PMM2: variants seen among roughly 807,000 people sequenced by gnomAD.
PMM2 encodes phosphomannomutase 2.
A neutral mutation model predicts 33.2 loss-of-function variants in PMM2; 35 were observed. The ratio of observed to expected loss-of-function variants is 1.06; its 90% CI spans 0.81 to 1.40. The LOEUF (loss-of-function observed/expected upper bound fraction) is 1.40, where lower values mean the gene tolerates loss of function less well. Among genes scored for constraint, PMM2 ranks in the 40% most tolerant of loss-of-function variants. The pLI, the probability that PMM2 is intolerant of heterozygous loss-of-function variation, is 0.00. For missense variants in PMM2, 386 were observed against 306.0 expected (o/e 1.26, Z -1.95); for synonymous variants, 153 against 114.7 (o/e 1.33, Z -2.13).
chr16:8,800,971 C>G (rs2060612883), intron 1 of PMM2, among the ~76,000 whole-genome samples: 1 of 152,218 alleles, frequency 6.6e-6, no homozygotes, highest in African/African-American at 2.4e-5. Flanking sequence ...GCATGAGCCT[C>G]CATGTCTGGC....
chr16:8,798,555 A>T (rs2060592811), intron 1 of PMM2, among the ~76,000 whole-genome samples: 1 of 152,164 alleles, frequency 6.6e-6, no homozygotes, highest in South Asian at 2.1e-4. Context: ...AGTAAATAGT[A>T]GCCACCTCCA....
chr16:8,836,427 C>G (rs949990031), intron 7 of PMM2, among the ~76,000 whole-genome samples: 2 of 151,926 alleles, frequency 1.3e-5, no homozygotes, highest in Non-Finnish European at 2.9e-5. Flanking sequence ...GGAGGAATCC[C>G]GGGCTGTGGG....
chr16:8,841,334 T>C (rs893539283), intron 7 of PMM2, among the ~76,000 whole-genome samples: 1 of 151,288 alleles, frequency 6.6e-6, no homozygotes, highest in African/African-American at 2.4e-5. Context: ...TGCGGTGGCC[T>C]TCTCAGACCC....
chr16:8,818,008 A>G (rs1310264078), intron 7 of PMM2, among the ~76,000 whole-genome samples: 4 of 150,188 alleles, frequency 2.7e-5, no homozygotes, highest in Non-Finnish European at 1.5e-5. Context: ...GGTTCACACC[A>G]TTCTCCTGCC....
intron 6 of PMM2, among the ~76,000 whole-genome samples, chr16:8,812,050 A>G (rs1380913061): frequency 6.6e-6 from 1 of 152,214 alleles, no homozygotes; most frequent in African/African-American, 2.4e-5. Flanking sequence ...GAAGAGAAGC[A>G]CTATAGTGAA....
intron 3 of PMM2, among the ~76,000 whole-genome samples, chr16:8,805,569 A>G (rs2060642764): frequency 6.6e-6 from 1 of 151,810 alleles, no homozygotes; most frequent in Admixed American, 6.6e-5. Context: ...ACTAGAGCAG[A>G]CTGCTTCACT....
At chr16:8,799,621 C>T (rs958942683) in intron 1 of PMM2, among the ~76,000 whole-genome samples, 1 of 151,844 alleles carries the variant, frequency 6.6e-6, no homozygotes, top group Non-Finnish European at 1.5e-5. Flanking sequence ...AATCTCAGTT[C>T]ACTGCAACCT....
chr16:8,804,636 G>A, intron 2 of PMM2, 131 bp from the exon 3 acceptor site: 2 of 713,152 alleles, frequency 2.8e-6, no homozygotes, highest in Non-Finnish European at 2.5e-6. Context: ...CTCTTAGTCT[G>A]TAAGATGAGA....
rs1408399308 is a variant in PMM2, at chr16:8,835,851, A to G, written c.640-11873A>G. 5.3e-5 allele frequency among the ~76,000 whole-genome samples: 8 copies of G among 151,956 alleles called. No homozygotes were observed. The East Asian group carries it at 7.7e-4, about 15-fold the overall frequency. ...TGGTTGCCAAGGAGGGAGTAGAGGT[A>G]TCTTATACTTGTGGGTTAAGGTTGG... On this transcript the variant is annotated intron_variant, in intron 7 of 7. Coordinates refer to ENST00000268261, the MANE Select transcript of PMM2 (RefSeq NM_000303.3).
At chr16:8,832,788 C>T in intron 7 of PMM2, 5 of 985,376 alleles carry the variant, frequency 5.1e-6, no homozygotes, top group Non-Finnish European at 6.0e-6. Context: ...GTGAGGCCCG[C>T]TGTGGCCCGG....
intron 7 of PMM2, among the ~76,000 whole-genome samples, chr16:8,826,644 C>A (rs568950366): frequency 6.6e-6 from 1 of 152,104 alleles, no homozygotes; most frequent in Non-Finnish European, 1.5e-5. Flanking sequence ...AACTAAAATG[C>A]ATTAGAGTTG....
intron 7 of PMM2, among the ~76,000 whole-genome samples, chr16:8,836,078 A>C (rs1211487770): frequency 9.2e-5 from 14 of 151,484 alleles, no homozygotes; most frequent in East Asian, 3.9e-4. Context: ...GGGGAGTTTT[A>C]AGAGGTTTAG....
intron 2 of PMM2, chr16:8,802,270 C>A: frequency 2.2e-6 from 1 of 454,126 alleles, no homozygotes; most frequent in Non-Finnish European, 4.4e-6. Context: ...GCCCCCCTCA[C>A]CTCCCCATCA....
At chr16:8,805,534 TTAA>T in intron 3 of PMM2, among the ~76,000 whole-genome samples, 1 of 152,272 alleles carries the variant, frequency 6.6e-6, no homozygotes, top group South Asian at 2.1e-4. Context: ...TTTAAATCTA[TTAA>T]TAACATTTCT....
chr16:8,837,325 C>T (rs750882856), intron 7 of PMM2, among the ~76,000 whole-genome samples: 1 of 151,996 alleles, frequency 6.6e-6, no homozygotes, highest in Non-Finnish European at 1.5e-5. Context: ...CTATTTGGAA[C>T]TACTGTCGAG....
chr16:8,834,855 C>G (rs2060833245), intron 7 of PMM2, among the ~76,000 whole-genome samples: 1 of 152,162 alleles, frequency 6.6e-6, no homozygotes, highest in Admixed American at 6.5e-5. Context: ...TCAGGTGGAT[C>G]AGAGAGATAC....
At chr16:8,828,069 A>G (rs1401766887) in intron 7 of PMM2, among the ~76,000 whole-genome samples, 1 of 39,232 alleles carries the variant, frequency 2.5e-5, no homozygotes, top group Non-Finnish European at 5.4e-5. Flanking sequence ...TAAATTTCTT[A>G]TTACCAGACT....
At position 8,820,976 on chromosome 16, in the gene PMM2, C is replaced by T. The variant is rs150861915; in HGVS notation, c.639+7870C>T. Among the ~76,000 whole-genome samples, 28 of 141,848 alleles carry T rather than the reference C, an allele frequency of 2.0e-4. No individual in the cohort carries two copies. In the East Asian group the frequency reaches 6.0e-3, roughly 30 times the overall value. The allele number at this position is 141,848 out of a possible 152,430, so 93.1% of individuals were successfully genotyped here. ...TCCTGTCCTCAGGTTCCAAGTTAGG[C>T]TTTGGATGGCAGTTGGCCTTTGCGA... On this transcript the variant is annotated intron_variant, in intron 7 of 7. Transcript: ENST00000268261.
chr16:8,804,948 A>G (rs1596485851), intron 3 of PMM2, 105 bp downstream of exon 3: 3 of 738,294 alleles, frequency 4.1e-6, no homozygotes, highest in Non-Finnish European at 7.2e-6. Flanking sequence ...GTAGAAATGA[A>G]TCTTTACTCT....
Sources: allele counts gnomAD v4.1 joint callset (sites outside exome capture counted in the v4.1 genomes callset), GRCh38; gene constraint gnomAD v4.1.1; transcripts MANE v1.5; gene names NCBI Gene and HGNC (gene_info 2026-07-23, HGNC 2026-07-21).